Variants in SCAPER observed in about 807,000 individuals in gnomAD.
SCAPER encodes the protein S phase cyclin A-associated protein in the endoplasmic reticulum.
SCAPER carries 98 observed loss-of-function variants against 182.2 expected under a neutral mutation model. The observed-to-expected ratio is 0.54, with a 90% confidence interval of 0.46 to 0.64. The LOEUF is 0.64. Ranked by LOEUF, SCAPER falls within the 30% of genes least tolerant of loss-of-function variation. The pLI is 0.00. For synonymous variants in SCAPER, 605 were observed against 564.6 expected (o/e 1.07, Z -1.01); for missense variants, 1,432 against 1,690.0 (o/e 0.85, Z 2.68).
intron 23 of SCAPER, among the ~76,000 whole-genome samples, chr15:76,515,211 G>A (rs1033533533): frequency 4.6e-5 from 7 of 152,166 alleles, no homozygotes; most frequent in African/African-American, 1.7e-4. Context: ...TTTGGAAGAC[G>A]CTCCCTGAGG....
intron 22 of SCAPER, among the ~76,000 whole-genome samples, chr15:76,593,284 G>A (rs1034328457): frequency 4.1e-5 from 5 of 121,172 alleles, no homozygotes; most frequent in African/African-American, 1.3e-4. Context: ...CCTCCTCTCT[G>A]GCCAGGGCAT....
intron 23 of SCAPER, among the ~76,000 whole-genome samples, chr15:76,570,831 A>G (rs2047384684): frequency 6.6e-6 from 1 of 152,022 alleles, no homozygotes. Context: ...CTGCAAATCA[A>G]TCTAGGACAA....
chr15:76,808,689 TG>T (rs1343331420), intron 5 of SCAPER, among the ~76,000 whole-genome samples: 1 of 152,230 alleles, frequency 6.6e-6, no homozygotes, highest in Non-Finnish European at 1.5e-5. Flanking sequence ...AATGTGCATG[TG>T]GGGACTATCC....
At chr15:76,524,161 C>T (rs1315768793) in intron 23 of SCAPER, among the ~76,000 whole-genome samples, 2 of 152,058 alleles carry the variant, frequency 1.3e-5, no homozygotes, top group Admixed American at 6.6e-5. Flanking sequence ...CTGTAAAATG[C>T]TTTCCTCTTA....
At chr15:76,707,028 A>T (rs1567863628) in intron 17 of SCAPER, among the ~76,000 whole-genome samples, 1 of 152,104 alleles carries the variant, frequency 6.6e-6, no homozygotes, top group Non-Finnish European at 1.5e-5. Flanking sequence ...GGGGAAGAGG[A>T]CATAGAACTT....
At chr15:76,774,793 C>T in intron 9 of SCAPER, 62 bp downstream of exon 9, 3 of 1,483,500 alleles carry the variant, frequency 2.0e-6, no homozygotes, top group Non-Finnish European at 1.8e-6. Flanking sequence ...TAAGACATTC[C>T]AGTACACATG....
At chr15:76,713,731 T>C (rs558902176) in intron 17 of SCAPER, among the ~76,000 whole-genome samples, 30 of 152,236 alleles carry the variant, frequency 2.0e-4, no homozygotes, top group Non-Finnish European at 3.8e-4. Context: ...TATACATATG[T>C]AACTAACCTG....
At chr15:76,439,994 A>G (rs1162395251) in intron 25 of SCAPER, among the ~76,000 whole-genome samples, 3 of 152,244 alleles carry the variant, frequency 2.0e-5, no homozygotes, top group Non-Finnish European at 4.4e-5. Flanking sequence ...AGCTTATTAT[A>G]CAGTGATTTC....
intron 3 of SCAPER, 51 bp downstream of exon 3, chr15:76,862,365 T>C: frequency 1.7e-6 from 2 of 1,183,794 alleles, no homozygotes; most frequent in Admixed American, 1.9e-5. Context: ...TAGGACTAAA[T>C]ACACCCTCCT....
chr15:76,598,313 G>A (rs1474378683), intron 22 of SCAPER, among the ~76,000 whole-genome samples: 4 of 121,100 alleles, frequency 3.3e-5, no homozygotes, highest in African/African-American at 1.0e-4. Flanking sequence ...AATGCTAGAG[G>A]GGATGTGGAG....
chr15:76,578,360 A>AAGGTGGTAGCCAGGCAGTGGTTACTGTGC (rs1190469099), intron 22 of SCAPER, among the ~76,000 whole-genome samples: 2 of 152,130 alleles, frequency 1.3e-5, no homozygotes, highest in African/African-American at 2.4e-5. Flanking sequence ...TGAGCAAACA[A>AAGGTGGTAGCCAGGCAGTGGTTACTGTGC]AGGTGGTAGC....
At chr15:76,363,073 C>T (rs972828990) in intron 29 of SCAPER, among the ~76,000 whole-genome samples, 4 of 152,238 alleles carry the variant, frequency 2.6e-5, no homozygotes, top group African/African-American at 9.6e-5. Context: ...GACAGAACCA[C>T]ATACGGCCCT....
At chr15:76,379,611 T>C (rs936950705) in intron 28 of SCAPER, 1 of 152,192 alleles carries the variant, frequency 6.6e-6, no homozygotes, top group African/African-American at 2.4e-5. Flanking sequence ...AGCAAGGATC[T>C]GGAAAGGAGA....
intron 26 of SCAPER, among the ~76,000 whole-genome samples, chr15:76,431,704 A>AAAAAAAAAAAAAAAAG (rs61401621): frequency 1.6e-5 from 2 of 127,514 alleles, no homozygotes; most frequent in African/African-American, 2.7e-5. Context: ...AAAAAAAAAA[A>AAAAAAAAAAAAAAAAG]TGCTTTGTTT....
At chr15:76,855,941 A>C in intron 4 of SCAPER, 1 of 351,738 alleles carries the variant, frequency 2.8e-6, no homozygotes. Context: ...GAGGAATATA[A>C]ATCATTCTAC....
intron 25 of SCAPER, among the ~76,000 whole-genome samples, chr15:76,455,805 C>T (rs1441387071): frequency 6.6e-6 from 1 of 152,134 alleles, no homozygotes; most frequent in East Asian, 1.9e-4. Context: ...GGTTTTTGTC[C>T]TAATGCTCTC....
At chr15:76,664,378 G>A (rs550429782) in intron 21 of SCAPER, among the ~76,000 whole-genome samples, 10 of 152,286 alleles carry the variant, frequency 6.6e-5, no homozygotes, top group African/African-American at 2.4e-4. Flanking sequence ...TGGATGTGAG[G>A]TGTAGGAGAA....
intron 22 of SCAPER, among the ~76,000 whole-genome samples, chr15:76,609,996 GT>G (rs140759224): frequency 0.015 from 2,358 of 152,246 alleles, 62 homozygotes; most frequent in African/African-American, 0.054. Flanking sequence ...TGGTGAAATA[GT>G]TTTTTCTTTC....
intron 23 of SCAPER, among the ~76,000 whole-genome samples, chr15:76,553,280 C>G (rs534083806): frequency 2.7e-4 from 41 of 152,368 alleles, no homozygotes; most frequent in African/African-American, 9.9e-4. Context: ...CCTGCTGGCA[C>G]TCTACCTGTG....
Sources: allele counts gnomAD v4.1 joint callset (sites outside exome capture counted in the v4.1 genomes callset), GRCh38; gene constraint gnomAD v4.1.1; transcripts MANE v1.5; gene names NCBI Gene and HGNC (gene_info 2026-07-23, HGNC 2026-07-21).